PHACTR2: variants seen among roughly 807,000 people sequenced by gnomAD.
The protein encoded by PHACTR2 is phosphatase and actin regulator 2.
PHACTR2 carries 30 observed loss-of-function variants against 76.0 expected under a neutral mutation model. The ratio of observed to expected loss-of-function variants is 0.39; its 90% CI spans 0.30 to 0.54. PHACTR2 has a LOEUF of 0.54. PHACTR2 is among the 20% of genes least tolerant of loss of function. The probability of loss-of-function intolerance (pLI) is 0.61; values close to 1 mark genes in which losing one functional copy is unlikely to be tolerated. For missense variants in PHACTR2, 696 were observed against 781.1 expected, an observed-to-expected ratio of 0.89 and a Z score of 1.30; for synonymous variants, 292 against 292.5, an observed-to-expected ratio of 1.00 and a Z score of 0.02.
chr6:143,589,532 C>A lies in PHACTR2; in HGVS notation c.217+52325C>A, dbSNP rs1371670833. 7.2e-5 allele frequency among the ~76,000 whole-genome samples: 11 copies of A among 152,106 alleles called. No homozygotes were observed. The highest frequency in any genetic ancestry group is 1.3e-4 in the Non-Finnish European group (9 of 68,012). ...ATTAATTACTCAGTCTCAGGTAGTT[C>A]TTGCAATGCGAGAACAGACTGATAC... On this transcript the variant is annotated intron_variant, in intron 1 of 11. Transcript: ENST00000367584. This position sits in a 1 kb window ranked among gnomAD's most constrained non-coding sequence, Gnocchi z 4.4.
intron 2 of PHACTR2, among the ~76,000 whole-genome samples, chr6:143,737,610 A>AG (rs11398705): frequency 0.35 from 53,358 of 152,132 alleles, 10,560 homozygotes; most frequent in African/African-American, 0.55. Flanking sequence ...GATTATTGAA[A>AG]AGAGCATAAT....
At chr6:143,673,155 G>A (rs1246694630), upstream of PHACTR2, among the ~76,000 whole-genome samples, 1 of 152,112 alleles carries the variant, frequency 6.6e-6, no homozygotes, top group Non-Finnish European at 1.5e-5. Context: ...TTATGCCCAT[G>A]TGCTAGAGGT....
chr6:143,805,549 T>C (rs1776047116), intron 11 of PHACTR2, among the ~76,000 whole-genome samples: 1 of 151,508 alleles, frequency 6.6e-6, no homozygotes, highest in African/African-American at 2.4e-5. Context: ...GCGAGTGGTA[T>C]AGAGCAGCCT....
Position 143,664,680 on chromosome 6 carries a change from A to T in PHACTR2, c.14-47336A>T, listed in dbSNP as rs1777003021. Among the ~76,000 whole-genome samples the T allele has an allele frequency of 6.6e-6, 1 of 152,102 alleles. No individual in the cohort carries two copies. Among genetic ancestry groups the T allele is most frequent in the South Asian group, 2.1e-4 (1 of 4,828 alleles). ...CATGTTAAAACTTCACTACTTCCTC[A>T]TTTGCAGAGCCGATAGTTTATTAAA... On this transcript the variant is annotated intron_variant, in intron 1 of 11. Coordinates refer to the PHACTR2 transcript ENST00000305766. This position sits in a 1 kb window ranked among gnomAD's most constrained non-coding sequence, Gnocchi z 5.1.
Position 143,537,199 on chromosome 6 carries a change from C to G in PHACTR2, c.209C>G (p.Ser70Cys), listed in dbSNP as rs753596714. The G allele has an allele frequency of 3.5e-6, 1 of 288,802 alleles. No homozygotes were observed. The highest frequency in any genetic ancestry group is 4.2e-5 in the Admixed American group (1 of 23,800). The allele number at this position is 288,802 out of a possible 1,614,324, so 17.9% of individuals were successfully genotyped here. ...GGCCGCCCGCTCCGGGTCCACATCT[C>G]CGGCTCAGGTAAGAGCGGCTCGGGG... is the stretch of plus-strand genomic sequence containing the variant. The change falls in exon 1 of 12, where the codon TCC becomes TGC. Residue 70 changes from serine to cysteine, a missense_variant. By Grantham distance (112) the Ser-to-Cys change is moderately radical. Coordinates refer to the PHACTR2 transcript ENST00000367584. The surrounding 1 kb of genome is among the most constrained non-coding windows in gnomAD (Gnocchi z 4.4).
intron 1 of PHACTR2, among the ~76,000 whole-genome samples, chr6:143,660,451 T>G (rs1776929147): frequency 6.6e-6 from 1 of 151,826 alleles, no homozygotes; most frequent in South Asian, 2.1e-4. Context: ...GGAAAGAGAC[T>G]CCCCCATGAT....
intron 1 of PHACTR2, among the ~76,000 whole-genome samples, chr6:143,702,619 C>G (rs1055948795): frequency 2.0e-5 from 3 of 152,078 alleles, no homozygotes; most frequent in Non-Finnish European, 4.4e-5. Flanking sequence ...TCCCAGTTTC[C>G]TTATATATAG....
rs1036661710 is a variant in PHACTR2, at chr6:143,583,972, G to T, written c.217+46765G>T. 6.6e-6 allele frequency among the ~76,000 whole-genome samples: 1 copy of T among 152,184 alleles called. No homozygotes were observed. The highest frequency in any genetic ancestry group is 2.4e-5 in the African/African-American group (1 of 41,448). ...AGCACTCAGGATATTCATAATAAAA[G>T]TTTGATAAAACAATGGATTTACAAA... On this transcript the variant is annotated intron_variant, in intron 1 of 11. Coordinates refer to the PHACTR2 transcript ENST00000367584. The surrounding 1 kb of genome is among the most constrained non-coding windows in gnomAD (Gnocchi z 4.0).
rs112849008 is a variant in PHACTR2 at position 143,753,495 on chromosome 6, C to T, written c.296-259C>T. On this transcript the variant is annotated intron_variant, in intron 3 of 12. Coordinates refer to ENST00000440869, the MANE Select transcript of PHACTR2 (RefSeq NM_001100164.2). The surrounding 1 kb of genome is among the most constrained non-coding windows in gnomAD (Gnocchi z 4.6). ...AGCACATGAACGAGGGACTCTGCTG[C>T]CCTGGGATATTGGATAATTAGGATG... 4.1e-4 allele frequency among the ~76,000 whole-genome samples: 63 copies of T among 152,140 alleles called. No homozygotes were observed. Among genetic ancestry groups the T allele is most frequent in the Non-Finnish European group, 7.9e-4 (54 of 68,010 alleles).
chr6:143,814,697 G>A (rs1393129345), intron 12 of PHACTR2, among the ~76,000 whole-genome samples: 1 of 149,358 alleles, frequency 6.7e-6, no homozygotes, highest in East Asian at 2.0e-4. Context: ...CCGCCTCCTC[G>A]GTTCACGCCA....
At chr6:143,706,062 A>G (rs956597417) in intron 1 of PHACTR2, among the ~76,000 whole-genome samples, 1 of 152,146 alleles carries the variant, frequency 6.6e-6, no homozygotes, top group African/African-American at 2.4e-5. Flanking sequence ...CTAATACTAT[A>G]ATTTTACTTT....
rs1776654505 is a variant in PHACTR2, at chr6:143,646,033, GAGA to G, written c.13+37716_13+37718del. 6.6e-6 allele frequency among the ~76,000 whole-genome samples: 1 copy of G among 151,998 alleles called. No homozygotes were observed. On this transcript the variant is annotated intron_variant, in intron 1 of 11. Coordinates refer to the PHACTR2 transcript ENST00000305766. The surrounding 1 kb of genome is among the most constrained non-coding windows in gnomAD (Gnocchi z 4.1). Reference sequence around the variant, plus strand: ...ATGAAGCATAGATTTAAAAAAACTGGAGAAGAATAATTATGCAGAGATAAACGT... The same window carrying G: ...ATGAAGCATAGATTTAAAAAAACTGGAGAATAATTATGCAGAGATAAACGT...
Position 143,589,608 on chromosome 6 carries a change from G to A in PHACTR2, c.217+52401G>A, listed in dbSNP as rs116784420. On this transcript the variant is annotated intron_variant, in intron 1 of 11. Coordinates refer to the PHACTR2 transcript ENST00000367584. This position sits in a 1 kb window ranked among gnomAD's most constrained non-coding sequence, Gnocchi z 4.4. ...GTCTTTTCTCTGTGTGTTCACTTCC[G>A]GTGTCTCTGTGTCCAAATTTCCTCT... Among the ~76,000 whole-genome samples the A allele has an allele frequency of 6.8e-3, 1,033 of 152,158 alleles. 14 individuals carry two copies. The highest frequency in any genetic ancestry group is 0.021 in the African/African-American group (877 of 41,496).
At chr6:143,804,203 A>G (rs1382857746) in intron 11 of PHACTR2, among the ~76,000 whole-genome samples, 2 of 152,202 alleles carry the variant, frequency 1.3e-5, no homozygotes, top group African/African-American at 4.8e-5. Context: ...CACTTCCAAG[A>G]CAGCTTCTTC....
rs1776821745 is a variant in PHACTR2 at position 143,654,857 on chromosome 6, C to T, written c.13+46535C>T. 6.6e-6 allele frequency among the ~76,000 whole-genome samples: 1 copy of T among 151,838 alleles called. No homozygotes were observed. Among genetic ancestry groups the T allele is most frequent in the Non-Finnish European group, 1.5e-5 (1 of 67,960 alleles). ...TTGATACATGCCACAACATGGACGA[C>T]TCTTAAAAACATCATGCTAGCCGGG... On this transcript the variant is annotated intron_variant, in intron 1 of 11. Transcript: ENST00000305766. This position sits in a 1 kb window ranked among gnomAD's most constrained non-coding sequence, Gnocchi z 4.6.
chr6:143,604,617 CA>C (rs1775847669), upstream of PHACTR2, among the ~76,000 whole-genome samples: 1 of 152,172 alleles, frequency 6.6e-6, no homozygotes, highest in Non-Finnish European at 1.5e-5. Context: ...TGCACTGGCT[CA>C]TGCCTGTAAT....
At chr6:143,716,378 T>G (rs1227471193) in intron 2 of PHACTR2, among the ~76,000 whole-genome samples, 1 of 152,160 alleles carries the variant, frequency 6.6e-6, no homozygotes, top group Non-Finnish European at 1.5e-5. Context: ...CAGGCTGGTG[T>G]GCAGTGGTGC....
chr6:143,614,855 T>G (rs912550702), intron 1 of PHACTR2, among the ~76,000 whole-genome samples: 2 of 152,160 alleles, frequency 1.3e-5, no homozygotes, highest in African/African-American at 4.8e-5. Context: ...TCTATGAGAT[T>G]GGGGGTCATG....
At position 143,823,897 on chromosome 6, in the gene PHACTR2, T is replaced by C. The variant is rs905209636; in HGVS notation, c.*208T>C. On this transcript the variant is annotated 3_prime_UTR_variant, in exon 13 of 13. Transcript: ENST00000440869. This position sits in a 1 kb window ranked among gnomAD's most constrained non-coding sequence, Gnocchi z 5.7. Reference sequence around the variant, plus strand: ...CAAGCAAAAGGAAGGATGCAGTGACTCTTGCTGCCCAGAATGCACAGCGAT... The same window carrying C: ...CAAGCAAAAGGAAGGATGCAGTGACCCTTGCTGCCCAGAATGCACAGCGAT... 2 of 498,316 alleles carry C rather than the reference T, an allele frequency of 4.0e-6. No individual in the cohort carries two copies. The highest frequency in any genetic ancestry group is 3.8e-5 in the African/African-American group (2 of 52,284). 30.9% of individuals were successfully genotyped at this position (498,316 alleles called of 1,614,324 possible).
Sources: allele counts gnomAD v4.1 joint callset (sites outside exome capture counted in the v4.1 genomes callset), GRCh38; gene constraint gnomAD v4.1.1; non-coding constraint Gnocchi (gnomAD v3.1); transcripts MANE v1.5; gene names NCBI Gene and HGNC (gene_info 2026-07-23, HGNC 2026-07-21).